The following ACOXL variants were observed in gnomAD, a reference collection of about 807,000 sequenced individuals.
ACOXL encodes the protein acyl-CoA oxidase like.
ACOXL carries 70 observed loss-of-function variants against 71.9 expected under a neutral mutation model. The ratio of observed to expected loss-of-function variants is 0.97; its 90% CI spans 0.80 to 1.19. ACOXL has a LOEUF of 1.19. ACOXL is among the 50% of genes most tolerant of loss of function. The probability of loss-of-function intolerance (pLI) is 0.00; values close to 1 mark genes in which losing one functional copy is unlikely to be tolerated. For synonymous variants in ACOXL, 253 were observed against 281.6 expected, an observed-to-expected ratio of 0.90 and a Z score of 1.02; for missense variants, 703 against 736.3, an observed-to-expected ratio of 0.95 and a Z score of 0.52.
At chr2:110,969,013 GAAAGA>G (rs1212143776) in intron 12 of ACOXL, among the ~76,000 whole-genome samples, 3 of 152,014 alleles carry the variant, frequency 2.0e-5, no homozygotes, top group Non-Finnish European at 4.4e-5. Flanking sequence ...ATCAAGAGCA[GAAAGA>G]AAAGAAGAAT....
intron 1 of ACOXL, among the ~76,000 whole-genome samples, chr2:110,747,557 G>A (rs1181434271): frequency 2.0e-5 from 3 of 152,144 alleles, no homozygotes; most frequent in Non-Finnish European, 2.9e-5. Context: ...AACCGTCCTC[G>A]TTTCAAGCAA....
At chr2:110,923,699 C>A (rs1473588649) in intron 11 of ACOXL, among the ~76,000 whole-genome samples, 1 of 151,958 alleles carries the variant, frequency 6.6e-6, no homozygotes, top group Admixed American at 6.6e-5. Flanking sequence ...TTTGGGAGGC[C>A]GAGATGAGCA....
chr2:110,921,143 G>A (rs887727931), intron 11 of ACOXL, among the ~76,000 whole-genome samples: 2 of 151,928 alleles, frequency 1.3e-5, no homozygotes, highest in African/African-American at 2.4e-5. Context: ...GGATCAGTGC[G>A]ATTTCTCCCC....
At chr2:110,831,157 A>C (rs1490567307) in intron 9 of ACOXL, among the ~76,000 whole-genome samples, 2 of 152,188 alleles carry the variant, frequency 1.3e-5, no homozygotes, top group African/African-American at 4.8e-5. Context: ...AAGGAAAGGA[A>C]ATAAGAGGCA....
chr2:111,059,591 G>A (rs563417989), intron 16 of ACOXL, among the ~76,000 whole-genome samples: 42 of 152,200 alleles, frequency 2.8e-4, no homozygotes, highest in Admixed American at 1.8e-3. Flanking sequence ...TGGACATTAC[G>A]TTTAAAACAA....
At position 111,117,911 on chromosome 2, in the gene ACOXL, C is replaced by A; in HGVS notation, c.*95C>A. ...TGTGGCCGAGGCCGGGGGCTGGCAC[C>A]CGCTGGGCCGCCACTCTCGGGGATT... is the stretch of plus-strand genomic sequence containing the variant. On this transcript the variant is annotated 3_prime_UTR_variant, in exon 18 of 18. Coordinates refer to ENST00000439055, the MANE Select transcript of ACOXL (RefSeq NM_001142807.4). 1 of 1,361,488 alleles carries A rather than the reference C, an allele frequency of 7.3e-7. No homozygotes were observed. 84.3% of individuals were successfully genotyped at this position (1,361,488 alleles called of 1,614,324 possible). A position where few individuals can be genotyped will look rare whatever the true frequency, so the allele number is the denominator to read the frequency against.
rs563011944 is a variant in ACOXL at position 110,873,358 on chromosome 2, C to A, written c.788+31953C>A. On this transcript the variant is annotated intron_variant, in intron 10 of 17. Coordinates refer to ENST00000439055, the MANE Select transcript of ACOXL (RefSeq NM_001142807.4). ...CAGAAGGCCTGGCCCCAGCTGGGGC[C>A]CAGTGTGGACTCAACCTCAGCTCTA... 2.0e-5 allele frequency among the ~76,000 whole-genome samples: 3 copies of A among 152,134 alleles called. No individual in the cohort carries two copies. In the East Asian group the frequency reaches 5.8e-4, roughly 30 times the overall value.
intron 1 of ACOXL, among the ~76,000 whole-genome samples, chr2:110,736,146 G>C (rs1388216014): frequency 6.6e-6 from 1 of 152,128 alleles, no homozygotes; most frequent in Non-Finnish European, 1.5e-5. Flanking sequence ...TTCTCACTAG[G>C]AAGAGTCAAA....
At chr2:110,844,555 T>C (rs75214636) in intron 10 of ACOXL, among the ~76,000 whole-genome samples, 2,061 of 150,022 alleles carry the variant, frequency 0.014, 122 homozygotes, top group Admixed American at 0.096. Context: ...CTTTTCTTTT[T>C]TTTTTTTTTT....
chr2:110,739,610 A>G (rs1055544797), intron 1 of ACOXL, among the ~76,000 whole-genome samples: 2 of 152,196 alleles, frequency 1.3e-5, no homozygotes, highest in Non-Finnish European at 2.9e-5. Flanking sequence ...AGTGTTCCCC[A>G]TGTGGGTCCC....
At chr2:111,035,161 C>T (rs760172703) in intron 15 of ACOXL, among the ~76,000 whole-genome samples, 9 of 152,182 alleles carry the variant, frequency 5.9e-5, no homozygotes, top group South Asian at 2.1e-4. Context: ...CCACCGTCCC[C>T]GGCCTAAAGC....
intron 12 of ACOXL, among the ~76,000 whole-genome samples, chr2:110,982,709 A>T (rs890721242): frequency 6.6e-6 from 1 of 152,200 alleles, no homozygotes; most frequent in African/African-American, 2.4e-5. Flanking sequence ...ATTTCAGGTA[A>T]ACAAGAATAT....
chr2:110,784,942 C>A, intron 3 of ACOXL, 127 bp downstream of exon 3: 1 of 679,364 alleles, frequency 1.5e-6, no homozygotes, highest in Non-Finnish European at 2.2e-6. Flanking sequence ...AATTGCATAC[C>A]TCAAAACCTG....
chr2:111,019,241 T>G (rs964802128), intron 14 of ACOXL, among the ~76,000 whole-genome samples: 1 of 152,164 alleles, frequency 6.6e-6, no homozygotes, highest in African/African-American at 2.4e-5. Context: ...TATTCCTCCA[T>G]CCACCAGGAC....
At chr2:111,076,898 G>A (rs564165686) in intron 16 of ACOXL, among the ~76,000 whole-genome samples, 28 of 152,162 alleles carry the variant, frequency 1.8e-4, no homozygotes, top group African/African-American at 3.1e-4. Flanking sequence ...TGGCCAACTC[G>A]TTCCAGTCTC....
At chr2:110,745,442 C>T (rs141581518) in intron 1 of ACOXL, among the ~76,000 whole-genome samples, 1 of 152,188 alleles carries the variant, frequency 6.6e-6, no homozygotes, top group African/African-American at 2.4e-5. Flanking sequence ...CAACCAGCAT[C>T]ATGTAGTTTG....
At chr2:110,851,810 C>T (rs756003743) in intron 10 of ACOXL, among the ~76,000 whole-genome samples, 4 of 152,172 alleles carry the variant, frequency 2.6e-5, no homozygotes, top group East Asian at 1.9e-4. Context: ...CTCTGGTCCG[C>T]GGGCCTCTCC....
chr2:110,820,390 C>T (rs1688452230), intron 9 of ACOXL, among the ~76,000 whole-genome samples: 1 of 152,016 alleles, frequency 6.6e-6, no homozygotes, highest in South Asian at 2.1e-4. Context: ...GACCCTGAAA[C>T]CAAAGCAAGT....
At chr2:110,953,786 A>C (rs1477706833) in intron 12 of ACOXL, among the ~76,000 whole-genome samples, 1 of 152,208 alleles carries the variant, frequency 6.6e-6, no homozygotes, top group Non-Finnish European at 1.5e-5. Flanking sequence ...CAGAAGGTGA[A>C]GGGGAAGCAA....
Sources: allele counts gnomAD v4.1 joint callset (sites outside exome capture counted in the v4.1 genomes callset), GRCh38; gene constraint gnomAD v4.1.1; transcripts MANE v1.5; gene names NCBI Gene and HGNC (gene_info 2026-07-23, HGNC 2026-07-21).